Variants in CARMIL1 observed in about 807,000 individuals in gnomAD.
The protein encoded by CARMIL1 is F-actin-uncapping protein LRRC16A.
In CARMIL1, 90 loss-of-function variants were observed where a neutral mutation model predicts 177.1. The observed-to-expected ratio is 0.51, with a 90% CI of 0.43 to 0.61. The LOEUF (loss-of-function observed/expected upper bound fraction) is 0.61. Ranked by LOEUF, CARMIL1 falls within the 20% of genes least tolerant of loss-of-function variation. The pLI, the probability that CARMIL1 is intolerant of heterozygous loss-of-function variation, is 0.00. For synonymous variants in CARMIL1, 577 were observed against 606.2 expected, an observed-to-expected ratio of 0.95 and a Z score of 0.71; for missense variants, 1,380 against 1,667.0, an observed-to-expected ratio of 0.83 and a Z score of 3.00.
intron 13 of CARMIL1, among the ~76,000 whole-genome samples, chr6:25,489,470 A>G (rs1430915327): frequency 6.6e-6 from 1 of 152,186 alleles, no homozygotes; most frequent in Non-Finnish European, 1.5e-5. Flanking sequence ...TGAATCAATA[A>G]TGTAATATTT....
chr6:25,286,124 C>T lies in CARMIL1; in HGVS notation c.138+1215C>T, dbSNP rs146805593. On this transcript the variant is annotated intron_variant, in intron 2 of 36. Coordinates refer to ENST00000329474, the MANE Select transcript of CARMIL1 (RefSeq NM_017640.6). ...CTGGACTCAAGCGATCTGCCTGCCT[C>T]GGCCTCCCGAAGTGCTGGGATTACA... 5.5e-3 allele frequency among the ~76,000 whole-genome samples: 834 copies of T among 152,310 alleles called. 8 individuals carry two copies. The highest frequency in any genetic ancestry group is 0.016 in the African/African-American group (678 of 41,566).
At chr6:25,596,887 GTACT>G (rs1408698662) in intron 32 of CARMIL1, among the ~76,000 whole-genome samples, 6 of 147,518 alleles carry the variant, frequency 4.1e-5, no homozygotes, top group Non-Finnish European at 9.0e-5. Context: ...ACGTACTCAT[GTACT>G]TAGACACACA....
chr6:25,459,002 A>G (rs906645471), intron 8 of CARMIL1, among the ~76,000 whole-genome samples: 2 of 152,138 alleles, frequency 1.3e-5, no homozygotes, highest in African/African-American at 2.4e-5. Context: ...AAAGAAAAAT[A>G]AAGTTAGAAA....
intron 2 of CARMIL1, among the ~76,000 whole-genome samples, chr6:25,312,547 C>T (rs189996323): frequency 6.6e-6 from 1 of 152,078 alleles, no homozygotes; most frequent in African/African-American, 2.4e-5. Context: ...TCATTTAATT[C>T]CTAACTCATT....
intron 2 of CARMIL1, among the ~76,000 whole-genome samples, chr6:25,374,319 G>T (rs1235544852): frequency 6.6e-6 from 1 of 152,134 alleles, no homozygotes; most frequent in Non-Finnish European, 1.5e-5. Context: ...TAATTTCTAT[G>T]TATTTGTATA....
intron 2 of CARMIL1, among the ~76,000 whole-genome samples, chr6:25,403,769 A>G (rs1341877906): frequency 2.6e-5 from 4 of 152,144 alleles, no homozygotes; most frequent in Non-Finnish European, 5.9e-5. Flanking sequence ...ACTCCTCTCC[A>G]TAACCCCCAG....
At chr6:25,390,772 C>T (rs533979352) in intron 2 of CARMIL1, among the ~76,000 whole-genome samples, 17 of 152,110 alleles carry the variant, frequency 1.1e-4, no homozygotes, top group African/African-American at 4.1e-4. Flanking sequence ...CTCATTGTCA[C>T]CTCTGCCTCC....
chr6:25,441,337 A>ATATATATATATATGTGTGTGTGTGTG, intron 5 of CARMIL1, among the ~76,000 whole-genome samples: 3 of 94,530 alleles, frequency 3.2e-5, no homozygotes, highest in Non-Finnish European at 6.1e-5. Context: ...ATATATATAT[A>ATATATATATATATGTGTGTGTGTGTG]TGTGTGTGTG....
At chr6:25,285,938 C>T (rs891138010) in intron 2 of CARMIL1, among the ~76,000 whole-genome samples, 1 of 152,150 alleles carries the variant, frequency 6.6e-6, no homozygotes. Flanking sequence ...ATGGTGTGAT[C>T]TTGGCTCATT....
intron 2 of CARMIL1, among the ~76,000 whole-genome samples, chr6:25,285,678 C>T (rs182127245): frequency 3.1e-4 from 47 of 152,262 alleles, no homozygotes; most frequent in African/African-American, 1.1e-3. Flanking sequence ...TGGATATTTT[C>T]AAACATATGC....
intron 2 of CARMIL1, among the ~76,000 whole-genome samples, chr6:25,293,873 T>C (rs1782185208): frequency 6.6e-6 from 1 of 152,122 alleles, no homozygotes; most frequent in Non-Finnish European, 1.5e-5. Context: ...AGGCATGGGC[T>C]GCCCCACCTG....
chr6:25,405,008 T>C lies in CARMIL1; in HGVS notation c.139-15106T>C, dbSNP rs149767906. Among the ~76,000 whole-genome samples the C allele has an allele frequency of 6.3e-3, 945 of 150,452 alleles. 5 individuals carry two copies. The highest frequency in any genetic ancestry group is 0.018 in the African/African-American group (717 of 40,790). Reference sequence around the variant, plus strand: ...ACATTAAAAGGTGTAGCAGCAGCAGTGTTTATGACTAAACCCGTCAACGTT... The same window carrying C: ...ACATTAAAAGGTGTAGCAGCAGCAGCGTTTATGACTAAACCCGTCAACGTT... On this transcript the variant is annotated intron_variant, in intron 2 of 36. Coordinates refer to ENST00000329474, the MANE Select transcript of CARMIL1 (RefSeq NM_017640.6).
Position 25,606,261 on chromosome 6 carries a change from G to A in CARMIL1, c.3835G>A (p.Ala1279Thr), listed in dbSNP as rs537819594. The A allele has an allele frequency of 5.6e-6, 9 of 1,613,200 alleles. No individual in the cohort carries two copies. Among genetic ancestry groups the A allele is most frequent in the African/African-American group, 5.3e-5 (4 of 75,010 alleles). The change falls in exon 35 of 37, where the codon GCC becomes ACC. Residue 1279 changes from alanine to threonine, a missense_variant. Coordinates refer to ENST00000329474, the MANE Select transcript of CARMIL1 (RefSeq NM_017640.6). Reference sequence around the variant, plus strand: ...CGTCATCCCGCAGAAACCAAGAACCGCCTCACGGCCTGGTAAGAGTTTTGC... The same window carrying A: ...CGTCATCCCGCAGAAACCAAGAACCACCTCACGGCCTGGTAAGAGTTTTGC... Reference protein sequence around the residue: ...RPVIPQKPRTASRPDDIPDSP... With the variant: ...RPVIPQKPRTTSRPDDIPDSP...
At chr6:25,384,579 C>T (rs948933663) in intron 2 of CARMIL1, among the ~76,000 whole-genome samples, 6 of 152,214 alleles carry the variant, frequency 3.9e-5, no homozygotes, top group African/African-American at 1.2e-4. Context: ...TGTGTATGCC[C>T]ACATGGCACT....
At chr6:25,461,590 T>G (rs1243559932) in intron 8 of CARMIL1, among the ~76,000 whole-genome samples, 1 of 152,278 alleles carries the variant, frequency 6.6e-6, no homozygotes, top group East Asian at 1.9e-4. Context: ...ACATCTGTGT[T>G]GTTTTTAGTT....
chr6:25,530,001 A>G (rs977465512), intron 24 of CARMIL1, among the ~76,000 whole-genome samples: 5 of 152,110 alleles, frequency 3.3e-5, no homozygotes, highest in Admixed American at 2.0e-4. Context: ...GACTTAGAAT[A>G]ATCAACAGCC....
intron 24 of CARMIL1, among the ~76,000 whole-genome samples, chr6:25,531,849 C>A (rs1262889373): frequency 6.6e-6 from 1 of 152,186 alleles, no homozygotes; most frequent in Non-Finnish European, 1.5e-5. Flanking sequence ...CGGCTTACTG[C>A]AACCTCCGCC....
chr6:25,408,273 A>G (rs1562097656), intron 2 of CARMIL1, among the ~76,000 whole-genome samples: 1 of 150,102 alleles, frequency 6.7e-6, no homozygotes, highest in Non-Finnish European at 1.5e-5. Context: ...GGGTGACAGT[A>G]AAAGCCTGTC....
At chr6:25,285,878 T>A (rs569491239) in intron 2 of CARMIL1, among the ~76,000 whole-genome samples, 56 of 152,308 alleles carry the variant, frequency 3.7e-4, no homozygotes, top group Non-Finnish European at 7.5e-4. Context: ...CTTAATTTTT[T>A]AAAGTCTTTT....
Sources: allele counts gnomAD v4.1 joint callset (sites outside exome capture counted in the v4.1 genomes callset), GRCh38; gene constraint gnomAD v4.1.1; transcripts MANE v1.5; gene names NCBI Gene and HGNC (gene_info 2026-07-23, HGNC 2026-07-21).